Variants in SHANK1 observed in about 807,000 individuals in gnomAD.
SHANK1 encodes SH3 and multiple ankyrin repeat domains 1.
Under a neutral mutation model 165.6 loss-of-function variants are expected in SHANK1, and 35 were observed. The ratio of observed to expected loss-of-function variants is 0.21; its 90% CI spans 0.16 to 0.28. The LOEUF (loss-of-function observed/expected upper bound fraction) is 0.28. Among genes scored for constraint, SHANK1 ranks in the 10% least tolerant of loss-of-function variants. The pLI is 1.00. For synonymous variants in SHANK1, 1,428 were observed against 1,384.8 expected, an observed-to-expected ratio of 1.03 and a Z score of -0.69; for missense variants, 2,681 against 3,036.4, an observed-to-expected ratio of 0.88 and a Z score of 2.75.
At chr19:50,665,672 G>A (rs1985460865) in intron 23 of SHANK1, among the ~76,000 whole-genome samples, 1 of 147,528 alleles carries the variant, frequency 6.8e-6, no homozygotes, top group Non-Finnish European at 1.5e-5. Flanking sequence ...AGGAGTTTGA[G>A]GCTGCAAGTG....
rs1267535787 is a variant in SHANK1 at position 50,667,663 on chromosome 19, G to C, written c.4297C>G (p.Leu1433Val). ...RAGLGSQEKS[L>V]PASPPAARRS... ...CGGGCGGCGGGCGGGCTGGCGGGAA[G>C]GGACTTCTCCTGGCTGCCCAGCCCG... The change falls in exon 23 of 24, where the codon CTT (leucine) becomes GTT (valine). Residue 1433 changes from leucine to valine, a missense_variant. Leu to Val is a conservative substitution (Grantham distance 32, BLOSUM62 1). Transcript: ENST00000293441. The surrounding 1 kb of genome is among the most constrained non-coding windows in gnomAD (Gnocchi z 5.7). 9.3e-6 allele frequency: 13 copies of C among 1,399,690 alleles called. No individual in the cohort carries two copies. Among genetic ancestry groups the C allele is most frequent in the Non-Finnish European group, 1.1e-5 (12 of 1,086,510 alleles). 86.7% of individuals were successfully genotyped at this position (1,399,690 alleles called of 1,614,324 possible). A position where few individuals can be genotyped will look rare whatever the true frequency, so the allele number is the denominator to read the frequency against.
rs959456335 is a variant in SHANK1, at chr19:50,661,558, G to T, written c.*407C>A. Among the ~76,000 whole-genome samples, 2 of 152,012 alleles carry T rather than the reference G, an allele frequency of 1.3e-5. No individual in the cohort carries two copies. Among genetic ancestry groups the T allele is most frequent in the East Asian group, 1.9e-4 (1 of 5,132 alleles). On this transcript the variant is annotated 3_prime_UTR_variant, in exon 24 of 24. Transcript: ENST00000293441. ...AGAGAGTGGGAAGGGTTGTTAGAGG[G>T]GTGGCAGGTGGTGGAATCCGAGGGC...
intron 15 of SHANK1, among the ~76,000 whole-genome samples, chr19:50,694,990 C>T (rs1986684664): frequency 6.7e-6 from 1 of 149,472 alleles, no homozygotes; most frequent in Admixed American, 6.6e-5. Context: ...CAGGGAGCTC[C>T]CACCGGGGCC....
At chr19:50,710,926 CTCT>C (rs2089000392) in intron 8 of SHANK1, 1 of 162,376 alleles carries the variant, frequency 6.2e-6, no homozygotes, top group African/African-American at 2.4e-5. Flanking sequence ...CCCCTTTCTC[CTCT>C]TTTCTACTCC....
At chr19:50,703,397 G>GCCTA in intron 11 of SHANK1, 103 bp downstream of exon 11, 1 of 977,822 alleles carries the variant, frequency 1.0e-6, no homozygotes, top group African/African-American at 1.6e-5. Context: ...TTGGATGAGG[G>GCCTA]CCTACAGAGG....
intron 21 of SHANK1, among the ~76,000 whole-genome samples, chr19:50,675,177 T>C (rs909179816): frequency 6.6e-6 from 1 of 150,898 alleles, no homozygotes; most frequent in Non-Finnish European, 1.5e-5. Flanking sequence ...CAAGGCTTCA[T>C]TGAGCTATGA....
intron 8 of SHANK1, among the ~76,000 whole-genome samples, chr19:50,706,987 AG>A (rs1319920065): frequency 6.6e-6 from 1 of 152,138 alleles, no homozygotes; most frequent in African/African-American, 2.4e-5. Flanking sequence ...CATGTTGTCC[AG>A]GCTGGTCTCG....
Position 50,688,134 on chromosome 19 carries a change from G to A in SHANK1, c.2173-76C>T. 1 of 1,566,916 alleles carries A rather than the reference G, an allele frequency of 6.4e-7. No individual in the cohort carries two copies. Among genetic ancestry groups the A allele is most frequent in the Non-Finnish European group, 8.7e-7 (1 of 1,147,220 alleles). ...CTTGCAGCTTCAGAGACCCCAAGGA[G>A]GATGCCTCCTGCGCTGCCCTGTCCA... On this transcript the variant is annotated intron_variant, in intron 17 of 23. Coordinates refer to ENST00000293441, the MANE Select transcript of SHANK1 (RefSeq NM_016148.5). The surrounding 1 kb of genome is among the most constrained non-coding windows in gnomAD (Gnocchi z 6.7).
Position 50,663,282 on chromosome 19 carries a change from CAGAGAG to C in SHANK1, c.5769-606_5769-601del, listed in dbSNP as rs36069296. The stretch of plus-strand genomic sequence containing the variant: ...AGAGAGATGGAAGGGACAGGGGACA[CAGAGAG>C]AGAGAGATGAAGAGAGGGAGATGAA... On this transcript the variant is annotated intron_variant, in intron 23 of 23. Coordinates refer to ENST00000293441, the MANE Select transcript of SHANK1 (RefSeq NM_016148.5). The C allele has an allele frequency of 2.2e-4, 33 of 152,908 alleles. 2 individuals are homozygous for C. The highest frequency in any genetic ancestry group is 1.9e-3 in the Admixed American group (30 of 15,876). 9.5% of individuals were successfully genotyped at this position (152,908 alleles called of 1,614,324 possible). A position where few individuals can be genotyped will look rare whatever the true frequency, so the allele number is the denominator to read the frequency against.
At chr19:50,711,818 TG>T in intron 7 of SHANK1, 128 bp downstream of exon 7, 1 of 1,092,588 alleles carries the variant, frequency 9.2e-7, no homozygotes, top group Non-Finnish European at 1.3e-6. Flanking sequence ...ATTTCCTCTT[TG>T]GGGACCATGT....
intron 15 of SHANK1, among the ~76,000 whole-genome samples, chr19:50,691,563 A>G (rs1006912242): frequency 6.6e-6 from 1 of 152,240 alleles, no homozygotes; most frequent in Non-Finnish European, 1.5e-5. Flanking sequence ...GCCAAGAAGG[A>G]GCACTTGCCA....
intron 21 of SHANK1, among the ~76,000 whole-genome samples, chr19:50,675,864 CGTG>C (rs1568431194): frequency 3.3e-5 from 5 of 152,052 alleles, no homozygotes; most frequent in Non-Finnish European, 7.4e-5. Context: ...ATTAGCTAGG[CGTG>C]GTGGTGCATG....
Position 50,716,466 on chromosome 19 carries a change from A to T in SHANK1, c.268T>A (p.Phe90Ile). 1 of 1,614,062 alleles carries T rather than the reference A, an allele frequency of 6.2e-7. No individual in the cohort carries two copies. The highest frequency in any genetic ancestry group is 8.5e-7 in the Non-Finnish European group (1 of 1,179,994). Residue 90 changes from phenylalanine (F) to isoleucine (I), a missense_variant, in exon 3 of 24, where the codon TTC becomes ATC. Phe to Ile is a conservative substitution (Grantham distance 21). Around this residue, in one of 10 missense-constraint regions of SHANK1, gnomAD observed 189 missense variants for 440.9 expected, o/e 0.43. Transcript: ENST00000293441. The surrounding 1 kb of genome is among the most constrained non-coding windows in gnomAD (Gnocchi z 8.4). ...GTCCAGATGGTGGCATCGGGGTTGA[A>T]GCGAAGGCATTTCTGGTTGGGGAAG... The part of the protein sequence containing the change: ...PDLHQTKCLR[F>I]NPDATIWTAK...
chr19:50,668,297 G>A lies in SHANK1; in HGVS notation c.3663C>T (p.Ser1221=), dbSNP rs1985640025. Residue 1221 remains serine (S), a synonymous_variant, in exon 23 of 24, where the codon AGC becomes AGT. Coordinates refer to ENST00000293441, the MANE Select transcript of SHANK1 (RefSeq NM_016148.5). ...TCGTGAAGTCCAGCGTGGCCGGGCC[G>A]CTGGGCGAGGCGGGGGTGGGCACGG... ...PSPVPTPASP[S]GPATLDFTSQ... 1.5e-6 allele frequency: 2 copies of A among 1,297,548 alleles called. No homozygotes were observed. Among genetic ancestry groups the A allele is most frequent in the Admixed American group, 4.2e-5 (1 of 24,040 alleles). The allele number at this position is 1,297,548 out of a possible 1,614,324, so 80.4% of individuals were successfully genotyped here.
At position 50,686,047 on chromosome 19, in the gene SHANK1, G is replaced by GA. The variant is rs878990345; in HGVS notation, c.2577+189_2577+190insT. Among the ~76,000 whole-genome samples, 26 of 129,674 alleles carry GA rather than the reference G, an allele frequency of 2.0e-4. No homozygotes were observed. The South Asian group carries it at 6.1e-3, about 30-fold the overall frequency. The allele number at this position is 129,674 out of a possible 152,430, so 85.1% of individuals were successfully genotyped here. A position where few individuals can be genotyped will look rare whatever the true frequency, so the allele number is the denominator to read the frequency against. Reference sequence around the variant, plus strand: ...GAAAAGGACAGAGATGGGATTTGAGGGAAAGGGGATAAGGAGGAAAGGAGG... The same window carrying GA: ...GAAAAGGACAGAGATGGGATTTGAGGAGAAAGGGGATAAGGAGGAAAGGAGG... On this transcript the variant is annotated intron_variant, in intron 21 of 23. Transcript: ENST00000293441. This position sits in a 1 kb window ranked among gnomAD's most constrained non-coding sequence, Gnocchi z 5.7.
In SHANK1 at chr19:50,716,606, C is replaced by A; in HGVS notation, c.255+59G>T. ...GGAGGATACCCAGCACCAGTGGACT[C>A]CCCATGTCGGTTGGGGCACTGTCCC... On this transcript the variant is annotated intron_variant, in intron 2 of 23. Coordinates refer to ENST00000293441, the MANE Select transcript of SHANK1 (RefSeq NM_016148.5). The surrounding 1 kb of genome is among the most constrained non-coding windows in gnomAD (Gnocchi z 8.4). 2 of 1,553,382 alleles carry A rather than the reference C, an allele frequency of 1.3e-6. No individual in the cohort carries two copies. Among genetic ancestry groups the A allele is most frequent in the South Asian group, 2.5e-5 (2 of 81,090 alleles).
At chr19:50,714,007 C>T in intron 5 of SHANK1, 58 bp from the exon 6 acceptor site, 1 of 1,598,368 alleles carries the variant, frequency 6.3e-7, no homozygotes, top group South Asian at 1.1e-5. Context: ...CCATCCCTTC[C>T]CATTTTCCAG....
chr19:50,679,123 G>A (rs1599848566), intron 21 of SHANK1, among the ~76,000 whole-genome samples: 1 of 131,290 alleles, frequency 7.6e-6, no homozygotes, highest in African/African-American at 2.9e-5. Flanking sequence ...AGGGGTCAGG[G>A]TGATGGGGAG....
At position 50,703,569 on chromosome 19, in the gene SHANK1, G is replaced by A; in HGVS notation, c.1484C>T (p.Ala495Val). 1 of 1,555,352 alleles carries A rather than the reference G, an allele frequency of 6.4e-7. No homozygotes were observed. Among genetic ancestry groups the A allele is most frequent in the Non-Finnish European group, 8.7e-7 (1 of 1,154,490 alleles). The change falls in exon 11 of 24, where the codon GCC (alanine) becomes GTC (valine). Residue 495 changes from alanine (A) to valine (V), a missense_variant. Coordinates refer to ENST00000293441, the MANE Select transcript of SHANK1 (RefSeq NM_016148.5). The stretch of plus-strand genomic sequence containing the variant: ...CCCTCGGGATGGAGAGCGGGCCCTG[G>A]CACCCCGGGGGCTGCTGGCACTTCG... ...TLRSASSPRG[A>V]RARSPSRGRH...
Sources: allele counts gnomAD v4.1 joint callset (sites outside exome capture counted in the v4.1 genomes callset), GRCh38; gene constraint gnomAD v4.1.1; regional missense constraint gnomAD v4.1.1; non-coding constraint Gnocchi (gnomAD v3.1); transcripts MANE v1.5; gene names NCBI Gene and HGNC (gene_info 2026-07-23, HGNC 2026-07-21).